OXR1: variants seen among roughly 807,000 people sequenced by gnomAD.
OXR1 encodes the protein oxidation resistance 1, also known as oxidation resistance protein 1.
In OXR1, 41 loss-of-function variants were observed where a neutral mutation model predicts 104.6. The ratio of observed to expected loss-of-function variants is 0.39; its 90% CI spans 0.31 to 0.51. The LOEUF is 0.51. Ranked by LOEUF, OXR1 falls within the 20% of genes least tolerant of loss-of-function variation. The pLI, the probability that OXR1 is intolerant of heterozygous loss-of-function variation, is 0.77. For missense variants in OXR1, 955 were observed against 1,031.9 expected (o/e 0.93, Z 1.02); for synonymous variants, 348 against 348.4 (o/e 1.00, Z 0.01).
intron 2 of OXR1, among the ~76,000 whole-genome samples, chr8:106,367,514 A>G (rs1485975930): frequency 1.3e-5 from 2 of 152,146 alleles, no homozygotes; most frequent in Admixed American, 1.3e-4. Flanking sequence ...TATTTTTATT[A>G]AATTAGAATT....
chr8:106,478,182 C>T (rs1406443814), intron 2 of OXR1, among the ~76,000 whole-genome samples: 1 of 151,802 alleles, frequency 6.6e-6, no homozygotes, highest in Non-Finnish European at 1.5e-5. Flanking sequence ...AGTTTATTAT[C>T]AGTGTGCGAA....
intron 1 of OXR1, among the ~76,000 whole-genome samples, chr8:106,343,963 T>G (rs1815366669): frequency 1.3e-5 from 2 of 152,244 alleles, no homozygotes; most frequent in South Asian, 4.1e-4. Context: ...GTATGGGCCT[T>G]CCTTTACTTT....
intron 2 of OXR1, among the ~76,000 whole-genome samples, chr8:106,371,066 C>T (rs753260840): frequency 6.6e-6 from 1 of 151,710 alleles, no homozygotes; most frequent in Non-Finnish European, 1.5e-5. Context: ...TTAATTACTG[C>T]CTCAATTTCA....
rs1818027142 is a variant in OXR1, at chr8:106,402,096, C to T, written c.23+42460C>T. Among the ~76,000 whole-genome samples, 3 of 152,106 alleles carry T rather than the reference C, an allele frequency of 2.0e-5. No homozygotes were observed. The South Asian group carries it at 6.2e-4, about 32-fold the overall frequency. On this transcript the variant is annotated intron_variant, in intron 2 of 16. Coordinates refer to ENST00000517566, the MANE Select transcript of OXR1 (RefSeq NM_001198533.2). ...AGGTACTAGGGGATGTGTTAATTTC[C>T]TCAAGCAACAAAATCACATCTGGCA... is the stretch of plus-strand genomic sequence containing the variant.
intron 7 of OXR1, chr8:106,697,347 G>A: frequency 5.7e-6 from 6 of 1,054,008 alleles, no homozygotes; most frequent in Non-Finnish European, 8.3e-6. Context: ...GGCTCTCTGG[G>A]AATGTCACTG....
At chr8:106,390,625 A>G (rs879341773) in intron 2 of OXR1, among the ~76,000 whole-genome samples, 9 of 152,220 alleles carry the variant, frequency 5.9e-5, no homozygotes, top group Non-Finnish European at 1.3e-4. Flanking sequence ...TTGCACATAC[A>G]GTATCATTAC....
intron 1 of OXR1, among the ~76,000 whole-genome samples, chr8:106,341,390 CAT>C (rs138432601): frequency 0.017 from 2,455 of 145,786 alleles, 36 homozygotes; most frequent in Middle Eastern, 0.035. Flanking sequence ...AGTCAATCTA[CAT>C]ATATATATAT....
At chr8:106,372,355 T>C (rs2130379363) in intron 2 of OXR1, among the ~76,000 whole-genome samples, 1 of 152,212 alleles carries the variant, frequency 6.6e-6, no homozygotes, top group Non-Finnish European at 1.5e-5. Context: ...TCAATTTTGA[T>C]GAGAGAACCT....
chr8:106,296,148 T>C (rs1812985748), intron 1 of OXR1, among the ~76,000 whole-genome samples: 1 of 152,206 alleles, frequency 6.6e-6, no homozygotes, highest in Non-Finnish European at 1.5e-5. Flanking sequence ...CCTGCAGTTC[T>C]TCGAGTCTCA....
intron 1 of OXR1, among the ~76,000 whole-genome samples, chr8:106,326,589 C>G (rs1814478689): frequency 6.6e-6 from 1 of 152,192 alleles, no homozygotes; most frequent in South Asian, 2.1e-4. Flanking sequence ...ATTTTAAATA[C>G]AGTTGTCAAG....
intron 2 of OXR1, among the ~76,000 whole-genome samples, chr8:106,371,445 T>A (rs1366823371): frequency 6.6e-6 from 1 of 152,142 alleles, no homozygotes; most frequent in Non-Finnish European, 1.5e-5. Context: ...GCTTTTGGAT[T>A]AGTTTGCTCT....
chr8:106,725,675 T>G (rs1017725882), intron 11 of OXR1, among the ~76,000 whole-genome samples: 1 of 152,170 alleles, frequency 6.6e-6, no homozygotes, highest in Non-Finnish European at 1.5e-5. Flanking sequence ...ATTGGCTTGG[T>G]TTTTACACAG....
Position 106,692,581 on chromosome 8 carries a change from G to C in OXR1, c.526-147G>C, listed in dbSNP as rs570407733. The stretch of plus-strand genomic sequence containing the variant: ...GCCACTTTTGTCCTATAATTTGTAC[G>C]TAAAAATATTTCGGGCTGACTTCCA... On this transcript the variant is annotated intron_variant, in intron 6 of 16. Transcript: ENST00000517566. 10 of 458,014 alleles carry C rather than the reference G, an allele frequency of 2.2e-5. 1 individual carries two copies. The highest frequency in any genetic ancestry group is 2.0e-5 in the African/African-American group (1 of 49,964). The allele number at this position is 458,014 out of a possible 1,614,324, so 28.4% of individuals were successfully genotyped here. A position where few individuals can be genotyped will look rare whatever the true frequency, so the allele number is the denominator to read the frequency against.
chr8:106,682,818 T>G (rs1252311986), intron 4 of OXR1, among the ~76,000 whole-genome samples: 1 of 152,170 alleles, frequency 6.6e-6, no homozygotes, highest in Admixed American at 6.5e-5. Flanking sequence ...ACAGGTGTAC[T>G]TTGCAAAAAT....
chr8:106,327,305 G>T (rs546837055), intron 1 of OXR1, among the ~76,000 whole-genome samples: 1 of 152,186 alleles, frequency 6.6e-6, no homozygotes, highest in South Asian at 2.1e-4. Flanking sequence ...GTTACTTTTT[G>T]TTCCTGCTCT....
chr8:106,502,263 G>T (rs1811861958), intron 2 of OXR1, among the ~76,000 whole-genome samples: 1 of 152,000 alleles, frequency 6.6e-6, no homozygotes, highest in Non-Finnish European at 1.5e-5. Flanking sequence ...TTTAACAAGG[G>T]GCCTCACAGT....
intron 3 of OXR1, among the ~76,000 whole-genome samples, chr8:106,563,310 A>G (rs972904944): frequency 3.0e-4 from 46 of 151,348 alleles, no homozygotes; most frequent in African/African-American, 1.0e-3. Flanking sequence ...AAAAAAAAAA[A>G]AAAAGAAAAA....
intron 6 of OXR1, among the ~76,000 whole-genome samples, chr8:106,688,437 T>G (rs1472925219): frequency 6.6e-6 from 1 of 152,000 alleles, no homozygotes; most frequent in Non-Finnish European, 1.5e-5. Flanking sequence ...AAAAATACTT[T>G]TAAGAGATTC....
chr8:106,380,413 T>C (rs1817096493), intron 2 of OXR1, among the ~76,000 whole-genome samples: 1 of 152,212 alleles, frequency 6.6e-6, no homozygotes, highest in Admixed American at 6.5e-5. Context: ...CTAGTATGAA[T>C]AATGCTTCTG....
Sources: gnomAD v4.1 joint callset for allele counts (sites outside exome capture counted in the v4.1 genomes callset) on GRCh38, gnomAD v4.1.1 for gene constraint, MANE v1.5 for transcripts, NCBI Gene and HGNC (gene_info 2026-07-23, HGNC 2026-07-21) for gene names.